DAB1: variants seen among roughly 807,000 people sequenced by gnomAD.
DAB1 encodes the protein DAB adaptor protein 1.
In DAB1, 15 loss-of-function variants were observed where a neutral mutation model predicts 64.6. The ratio of observed to expected loss-of-function variants is 0.23; its 90% confidence interval spans 0.16 to 0.36. The LOEUF is 0.36. DAB1 is among the 10% of genes least tolerant of loss of function. The pLI is 1.00. For synonymous variants in DAB1, 235 were observed against 251.9 expected (o/e 0.93, Z 0.64); for missense variants, 596 against 706.7 (o/e 0.84, Z 1.78).
At chr1:58,328,498 A>G (rs1048717057) in intron 4 of DAB1, among the ~76,000 whole-genome samples, 1 of 152,202 alleles carries the variant, frequency 6.6e-6, no homozygotes, top group African/African-American at 2.4e-5. Flanking sequence ...GGAGCATCCC[A>G]GGCCCTTTGC....
Position 57,339,588 on chromosome 1 carries a change from G to C in DAB1, c.-136-48422C>G, listed in dbSNP as rs76757586. On this transcript the variant is annotated intron_variant, in intron 1 of 14. Transcript: ENST00000371236. ...AAAGTGGAAATAAGAAGTGATTACAGACCAATGATTTCAGGCTGACACATT... is the reference window on the plus strand; with the variant it reads ...AAAGTGGAAATAAGAAGTGATTACACACCAATGATTTCAGGCTGACACATT... 1.8e-3 allele frequency among the ~76,000 whole-genome samples: 273 copies of C among 152,322 alleles called. 1 individual carries two copies. Among genetic ancestry groups the C allele is most frequent in the Middle Eastern group, 3.4e-3 (1 of 294 alleles).
chr1:57,296,773 A>G (rs1673228168), intron 1 of DAB1, among the ~76,000 whole-genome samples: 1 of 152,322 alleles, frequency 6.6e-6, no homozygotes, highest in East Asian at 1.9e-4. Flanking sequence ...ACAGGTGCTG[A>G]CTGGTAAACA....
At chr1:58,086,200 T>A (rs1257905591) in intron 5 of DAB1, among the ~76,000 whole-genome samples, 1 of 151,798 alleles carries the variant, frequency 6.6e-6, no homozygotes, top group Non-Finnish European at 1.5e-5. Context: ...CCTGACCTCG[T>A]GATCCGCCCG....
chr1:58,491,289 G>A (rs1334466539), intron 3 of DAB1, among the ~76,000 whole-genome samples: 6 of 152,014 alleles, frequency 3.9e-5, no homozygotes, highest in African/African-American at 7.3e-5. Flanking sequence ...AGGAACAACC[G>A]GTACCAGCCG....
chr1:57,641,389 T>TTTG (rs1646127727), intron 7 of DAB1, among the ~76,000 whole-genome samples: 1 of 140,264 alleles, frequency 7.1e-6, no homozygotes, highest in Non-Finnish European at 1.5e-5. Flanking sequence ...GTTTTTTTTT[T>TTTG]TTTTTTTTTT....
At chr1:58,494,584 C>G (rs1390088970) in intron 3 of DAB1, among the ~76,000 whole-genome samples, 1 of 150,056 alleles carries the variant, frequency 6.7e-6, no homozygotes. Context: ...AAAAAACAAA[C>G]AACCCCATCA....
intron 4 of DAB1, chr1:58,229,032 T>C: frequency 2.9e-6 from 1 of 340,754 alleles, no homozygotes; most frequent in Middle Eastern, 8.2e-4. Context: ...AGTGGTGTGA[T>C]CATAACTCAC....
intron 7 of DAB1, among the ~76,000 whole-genome samples, chr1:57,514,058 CTA>C (rs1302812201): frequency 3.3e-5 from 5 of 152,168 alleles, no homozygotes; most frequent in Non-Finnish European, 5.9e-5. Context: ...GTTTTCCGTT[CTA>C]TATGTTTTCT....
At chr1:57,957,098 T>C (rs558134725) in intron 5 of DAB1, among the ~76,000 whole-genome samples, 1 of 152,282 alleles carries the variant, frequency 6.6e-6, no homozygotes, top group South Asian at 2.1e-4. Flanking sequence ...AGGAGGAGCA[T>C]GTGATTTGAC....
At chr1:57,286,562 C>G (rs1184737974) in intron 2 of DAB1, among the ~76,000 whole-genome samples, 1 of 152,024 alleles carries the variant, frequency 6.6e-6, no homozygotes, top group Admixed American at 6.6e-5. Flanking sequence ...GTTACTTTGT[C>G]CTTTCTAATT....
intron 5 of DAB1, among the ~76,000 whole-genome samples, chr1:57,922,179 T>A (rs1004528999): frequency 6.6e-6 from 1 of 152,150 alleles, no homozygotes; most frequent in Non-Finnish European, 1.5e-5. Context: ...TCTCCCATCA[T>A]TAGAAAGCAA....
At chr1:58,426,924 G>A (rs1417983) in intron 3 of DAB1, among the ~76,000 whole-genome samples, 86,442 of 152,056 alleles carry the variant, frequency 0.57, 25,430 homozygotes, top group African/African-American at 0.73. Context: ...GGGTTGCTAG[G>A]AAAGGCCTCA....
At position 57,017,782 on chromosome 1, in the gene DAB1, T is replaced by G. The variant is rs1027304796; in HGVS notation, c.896-2351A>C. On this transcript the variant is annotated intron_variant, in intron 11 of 14. Coordinates refer to ENST00000371236, the MANE Select transcript of DAB1 (RefSeq NM_001365792.1). ...CTGAAATTTCAAACGTGAAGCTTGCTTAGCTTGCCTCGCCCATGGCATAAT... is the reference window on the plus strand; with the variant it reads ...CTGAAATTTCAAACGTGAAGCTTGCGTAGCTTGCCTCGCCCATGGCATAAT... 4.6e-5 allele frequency among the ~76,000 whole-genome samples: 7 copies of G among 152,354 alleles called. No homozygotes were observed. In the East Asian group the frequency reaches 1.2e-3, roughly 25 times the overall value.
intron 5 of DAB1, among the ~76,000 whole-genome samples, chr1:57,939,621 T>G (rs1223777277): frequency 6.6e-6 from 1 of 152,204 alleles, no homozygotes; most frequent in Non-Finnish European, 1.5e-5. Context: ...ACAATCCAAG[T>G]TGGGGGAGGC....
At chr1:57,919,771 T>G (rs1644782327) in intron 5 of DAB1, among the ~76,000 whole-genome samples, 1 of 152,144 alleles carries the variant, frequency 6.6e-6, no homozygotes, top group Non-Finnish European at 1.5e-5. Flanking sequence ...CAAAGCTAGG[T>G]GTTAGATGAG....
At chr1:57,394,398 T>A (rs1276088243) in intron 1 of DAB1, among the ~76,000 whole-genome samples, 1 of 152,196 alleles carries the variant, frequency 6.6e-6, no homozygotes, top group Non-Finnish European at 1.5e-5. Flanking sequence ...ATATAAGAGA[T>A]CTCAATCGCT....
At chr1:57,864,979 G>A (rs1454567235) in intron 1 of DAB1, 1 of 152,086 alleles carries the variant, frequency 6.6e-6, no homozygotes, top group African/African-American at 2.4e-5. Flanking sequence ...ATAAACCTCA[G>A]TATGACAGTG....
rs145660474 is a variant in DAB1 at position 57,931,498 on chromosome 1, G to A, written n.388-47336C>T. On this transcript the variant is annotated intron_variant and non_coding_transcript_variant, in intron 5 of 20. Coordinates refer to the DAB1 transcript ENST00000485760. ...ATCTAGGCCTGGTCCCTTCTGTTTC[G>A]CAAGGTTATTGTTGATTCAATTTCT... Among the ~76,000 whole-genome samples, 1,335 of 152,218 alleles carry A rather than the reference G, an allele frequency of 8.8e-3. 16 individuals are homozygous for A. Among genetic ancestry groups the A allele is most frequent in the African/African-American group, 0.03 (1,247 of 41,532 alleles).
intron 6 of DAB1, among the ~76,000 whole-genome samples, chr1:57,659,580 C>T (rs1310747061): frequency 6.6e-6 from 1 of 152,164 alleles, no homozygotes; most frequent in Admixed American, 6.5e-5. Flanking sequence ...TCCTCCCCTT[C>T]CCTGACCAGT....
Sources: allele counts gnomAD v4.1 joint callset (sites outside exome capture counted in the v4.1 genomes callset), GRCh38; gene constraint gnomAD v4.1.1; transcripts MANE v1.5; gene names NCBI Gene and HGNC (gene_info 2026-07-23, HGNC 2026-07-21).